The following SLC17A5 variants were observed in gnomAD, a reference collection of about 807,000 sequenced individuals.
SLC17A5 encodes sialin.
A neutral mutation model predicts 59.4 loss-of-function variants in SLC17A5; 47 were observed. The ratio of observed to expected loss-of-function variants is 0.79; its 90% CI spans 0.63 to 1.01. The LOEUF (loss-of-function observed/expected upper bound fraction) is 1.01, where lower values mean the gene tolerates loss of function less well. Among genes scored for constraint, SLC17A5 ranks in the 50% least tolerant of loss-of-function variants. The pLI, the probability that SLC17A5 is intolerant of heterozygous loss-of-function variation, is 0.00. For synonymous variants in SLC17A5, 202 were observed against 210.7 expected (o/e 0.96, Z 0.36); for missense variants, 522 against 595.5 (o/e 0.88, Z 1.28).
chr6:73,601,155 C>T (rs1349854933), intron 9 of SLC17A5, among the ~76,000 whole-genome samples: 2 of 146,356 alleles, frequency 1.4e-5, no homozygotes, highest in South Asian at 2.2e-4. Flanking sequence ...TCTGCCCGGC[C>T]GCCCATCGTC....
chr6:73,598,536 CAGG>C (rs1240317228), intron 10 of SLC17A5, among the ~76,000 whole-genome samples: 4 of 152,128 alleles, frequency 2.6e-5, no homozygotes, highest in African/African-American at 7.2e-5. Context: ...GAGGCTGAGG[CAGG>C]AGAATTGTTT....
intron 8 of SLC17A5, among the ~76,000 whole-genome samples, chr6:73,614,032 A>G (rs976117578): frequency 6.6e-6 from 1 of 152,170 alleles, no homozygotes; most frequent in African/African-American, 2.4e-5. Flanking sequence ...TTGGGAGGCC[A>G]AGGCGGGCAG....
chr6:73,593,837 G>T lies in SLC17A5; in HGVS notation c.*1240C>A, dbSNP rs1029952489. 6.6e-6 allele frequency: 1 copy of T among 152,146 alleles called. No homozygotes were observed. The highest frequency in any genetic ancestry group is 2.4e-5 in the African/African-American group (1 of 41,424). The allele number at this position is 152,146 out of a possible 1,614,324, so 9.4% of individuals were successfully genotyped here. ...CTCAACACTTTGTGAGGCCGAGACA[G>T]GAGGATCGCTTGAAGCCAGGAGTTC... On this transcript the variant is annotated 3_prime_UTR_variant, in exon 11 of 11. Coordinates refer to ENST00000355773, the MANE Select transcript of SLC17A5 (RefSeq NM_012434.5).
chr6:73,617,001 A>C (rs1581967537), intron 7 of SLC17A5, among the ~76,000 whole-genome samples: 1 of 151,896 alleles, frequency 6.6e-6, no homozygotes, highest in African/African-American at 2.4e-5. Context: ...AACAAACAAA[A>C]AAAGCTTGGC....
At chr6:73,653,251 C>A (rs1769951797) in intron 1 of SLC17A5, 1 of 985,450 alleles carries the variant, frequency 1.0e-6, no homozygotes, top group East Asian at 1.1e-4. Flanking sequence ...CTTCCCTCCC[C>A]GCCTAAGAAG....
At chr6:73,603,584 G>T (rs1460558632) in intron 9 of SLC17A5, among the ~76,000 whole-genome samples, 1 of 151,176 alleles carries the variant, frequency 6.6e-6, no homozygotes, top group East Asian at 1.9e-4. Flanking sequence ...CCATACCTGG[G>T]TAATTTTGTA....
intron 9 of SLC17A5, among the ~76,000 whole-genome samples, chr6:73,603,701 C>T (rs541791147): frequency 7.2e-5 from 11 of 151,726 alleles, no homozygotes; most frequent in African/African-American, 1.2e-4. Context: ...ATTACAGGAG[C>T]GAGCCACTGC....
chr6:73,625,437 T>C, intron 6 of SLC17A5, among the ~76,000 whole-genome samples: 1 of 152,154 alleles, frequency 6.6e-6, no homozygotes, highest in East Asian at 1.9e-4. Flanking sequence ...TCCGCTAGCC[T>C]CGGTCTCCCA....
At chr6:73,631,015 C>T (rs1308133612) in intron 6 of SLC17A5, among the ~76,000 whole-genome samples, 1 of 146,910 alleles carries the variant, frequency 6.8e-6, no homozygotes, top group Non-Finnish European at 1.5e-5. Flanking sequence ...CATTGTACTT[C>T]AGCCTGGGCA....
chr6:73,652,008 T>C (rs1769896698), intron 1 of SLC17A5, among the ~76,000 whole-genome samples: 1 of 152,072 alleles, frequency 6.6e-6, no homozygotes, highest in Non-Finnish European at 1.5e-5. Flanking sequence ...TTAATCTGGG[T>C]GCTGGTTACA....
At chr6:73,601,960 G>T (rs1374196150) in intron 9 of SLC17A5, among the ~76,000 whole-genome samples, 3 of 152,054 alleles carry the variant, frequency 2.0e-5, no homozygotes, top group Non-Finnish European at 4.4e-5. Flanking sequence ...CATTGAGAAC[G>T]GGCTGGGATG....
intron 6 of SLC17A5, among the ~76,000 whole-genome samples, chr6:73,626,584 C>A (rs1768429890): frequency 1.3e-5 from 2 of 152,256 alleles, no homozygotes; most frequent in South Asian, 4.1e-4. Flanking sequence ...AAAAATCCTT[C>A]AAGAGTTTAA....
chr6:73,615,105 C>T (rs1273210951), intron 8 of SLC17A5, among the ~76,000 whole-genome samples: 2 of 152,168 alleles, frequency 1.3e-5, no homozygotes, highest in Non-Finnish European at 2.9e-5. Flanking sequence ...AACTGAATTA[C>T]AGGATACCTA....
intron 6 of SLC17A5, among the ~76,000 whole-genome samples, chr6:73,622,545 G>T (rs970369429): frequency 1.3e-5 from 2 of 151,958 alleles, no homozygotes; most frequent in African/African-American, 4.8e-5. Context: ...CAAGTGATCC[G>T]ACCCAAAGTG....
chr6:73,603,961 T>A (rs1288612432), intron 9 of SLC17A5, among the ~76,000 whole-genome samples: 30 of 149,132 alleles, frequency 2.0e-4, no homozygotes, highest in African/African-American at 6.1e-4. Flanking sequence ...GAAGGAGGAG[T>A]TCAGTTAAAA....
At chr6:73,618,715 G>A (rs118155426) in intron 7 of SLC17A5, 46 of 228,050 alleles carry the variant, frequency 2.0e-4, no homozygotes, top group Non-Finnish European at 3.4e-4. Context: ...GCAGGCCATC[G>A]TAGGGTTATT....
At chr6:73,633,503 A>G (rs1768859904) in intron 6 of SLC17A5, among the ~76,000 whole-genome samples, 1 of 151,924 alleles carries the variant, frequency 6.6e-6, no homozygotes, top group South Asian at 2.1e-4. Flanking sequence ...AAGTGCTGGG[A>G]TTACAGGCGT....
Position 73,621,833 on chromosome 6 carries a change from T to A in SLC17A5, c.949A>T (p.Lys317Ter). 1 of 1,612,362 alleles carries A rather than the reference T, an allele frequency of 6.2e-7. No individual in the cohort carries two copies. The highest frequency in any genetic ancestry group is 1.1e-5 in the South Asian group (1 of 91,034). ...TLLTLLPTYM[K>*]EILRFNVQEN... ...TGAACATTGAACCTTAGGATCTCCT[T>A]CATATAAGTAGGCAATAATGTCAAT... is the stretch of plus-strand genomic sequence containing the variant. Residue 317 changes from lysine to a stop codon, truncating the protein, a stop_gained, in exon 7 of 11, where the codon AAG (lysine) becomes TAG (stop). Transcript: ENST00000355773. LOFTEE classifies it high-confidence loss of function.
chr6:73,621,159 C>T (rs541677542), intron 7 of SLC17A5, among the ~76,000 whole-genome samples: 5 of 152,128 alleles, frequency 3.3e-5, no homozygotes, highest in Non-Finnish European at 7.3e-5. Context: ...GCATGCACTA[C>T]CACGCCTGGT....
Sources: allele counts gnomAD v4.1 joint callset (sites outside exome capture counted in the v4.1 genomes callset), GRCh38; gene constraint gnomAD v4.1.1; transcripts MANE v1.5; gene names NCBI Gene and HGNC (gene_info 2026-07-23, HGNC 2026-07-21).